The following TVP23C variants were observed in gnomAD, a reference collection of about 807,000 sequenced individuals.
TVP23C encodes the protein trans-golgi network vesicle protein 23 homolog C, also known as Golgi apparatus membrane protein TVP23 homolog C.
TVP23C carries 19 observed loss-of-function variants against 28.7 expected under a neutral mutation model. That is an observed-to-expected ratio of 0.66 (90% confidence interval 0.46 to 0.97). The LOEUF is 0.97. Among genes scored for constraint, TVP23C ranks in the 50% least tolerant of loss-of-function variants. TVP23C has a pLI of 0.00. For synonymous variants in TVP23C, 68 were observed against 81.7 expected (o/e 0.83, Z 0.90); for missense variants, 186 against 241.3 (o/e 0.77, Z 1.52).
At chr17:15,531,038 C>A (rs1375662895) in intron 5 of TVP23C, 2 of 152,202 alleles carry the variant, frequency 1.3e-5, no homozygotes, top group Non-Finnish European at 2.9e-5. Context: ...CCACCATGCT[C>A]ATCCTTTCTT....
At chr17:15,543,093 C>T (rs560229198) in intron 5 of TVP23C, among the ~76,000 whole-genome samples, 2 of 151,694 alleles carry the variant, frequency 1.3e-5, no homozygotes, top group East Asian at 2.0e-4. Context: ...GCACAGCCAA[C>T]CAGCAGACAA....
intron 1 of TVP23C, 187 bp downstream of exon 1, chr17:15,563,250 T>TCCCCCAGCGGCCTCAGAA (rs1984485904): frequency 8.8e-7 from 1 of 1,137,518 alleles, no homozygotes; most frequent in African/African-American, 1.6e-5. Context: ...GGGTCACGCC[T>TCCCCCAGCGGCCTCAGAA]CCCCCAGCGG....
At position 15,538,911 on chromosome 17, in the gene TVP23C, A is replaced by G. The variant is rs1183030717; in HGVS notation, c.*1501T>C. The G allele has an allele frequency of 2.4e-5, 24 of 985,772 alleles. No individual in the cohort carries two copies. Among genetic ancestry groups the G allele is most frequent in the Non-Finnish European group, 2.9e-5 (24 of 829,942 alleles). The allele number at this position is 985,772 out of a possible 1,614,324, so 61.1% of individuals were successfully genotyped here. A position where few individuals can be genotyped will look rare whatever the true frequency, so the allele number is the denominator to read the frequency against. ...CAGAATGAGATGATCATGTCCCTAC[A>G]TGAATATTCATTTTCTCTACTTTTC... On this transcript the variant is annotated 3_prime_UTR_variant, in exon 6 of 6. Transcript: ENST00000518321.
downstream of TVP23C, among the ~76,000 whole-genome samples, chr17:15,535,967 G>A (rs1170477103): frequency 1.3e-5 from 2 of 152,124 alleles, no homozygotes; most frequent in African/African-American, 4.8e-5. Context: ...TGAGGCGGGC[G>A]GATCACCTAA....
intron 5 of TVP23C, 125 bp downstream of exon 5, chr17:15,545,660 T>G: frequency 7.3e-7 from 1 of 1,379,106 alleles, no homozygotes; most frequent in Non-Finnish European, 9.6e-7. Flanking sequence ...ACTTGGGAAT[T>G]ACATGATGAA....
intron 3 of TVP23C, among the ~76,000 whole-genome samples, chr17:15,552,475 A>C (rs1472099876): frequency 6.6e-6 from 1 of 152,206 alleles, no homozygotes; most frequent in Non-Finnish European, 1.5e-5. Context: ...TGACGTCAGA[A>C]GTTCGAGACC....
downstream of TVP23C, among the ~76,000 whole-genome samples, chr17:15,533,903 G>A (rs1910343): frequency 4.6e-5 from 7 of 152,216 alleles, no homozygotes; most frequent in African/African-American, 1.7e-4. Context: ...TATCACACAT[G>A]TAAGCCAAGA....
At chr17:15,522,083 T>A (rs1267317576) in intron 5 of TVP23C, among the ~76,000 whole-genome samples, 1 of 152,146 alleles carries the variant, frequency 6.6e-6, no homozygotes, top group Non-Finnish European at 1.5e-5. Flanking sequence ...TCAAAATGAA[T>A]CATGGCACAG....
intron 5 of TVP23C, among the ~76,000 whole-genome samples, chr17:15,514,815 G>C (rs1424695710): frequency 6.6e-6 from 1 of 152,152 alleles, no homozygotes; most frequent in Non-Finnish European, 1.5e-5. Context: ...GAAACAAAAA[G>C]CCACAGAGGA....
intron 3 of TVP23C, among the ~76,000 whole-genome samples, chr17:15,552,204 T>C (rs1156528853): frequency 6.6e-6 from 1 of 152,194 alleles, no homozygotes; most frequent in Non-Finnish European, 1.5e-5. Flanking sequence ...ATCAAAACTG[T>C]GAGCAGTATG....
chr17:15,518,118 A>C (rs1982310218), intron 5 of TVP23C, among the ~76,000 whole-genome samples: 1 of 149,638 alleles, frequency 6.7e-6, no homozygotes. Context: ...CAGTCAGCCG[A>C]GATCACATCA....
At chr17:15,515,457 C>T (rs953048177) in intron 5 of TVP23C, among the ~76,000 whole-genome samples, 1 of 152,322 alleles carries the variant, frequency 6.6e-6, no homozygotes, top group South Asian at 2.1e-4. Flanking sequence ...AGAGGGGAAT[C>T]CTGCCTCCAC....
chr17:15,533,538 T>C (rs1218929740), downstream of TVP23C, among the ~76,000 whole-genome samples: 3 of 152,178 alleles, frequency 2.0e-5, no homozygotes, highest in Admixed American at 2.0e-4. Flanking sequence ...ACAACAAAAA[T>C]ATAAAATGGA....
intron 5 of TVP23C, among the ~76,000 whole-genome samples, chr17:15,507,811 C>T (rs1981828655): frequency 6.6e-6 from 1 of 151,992 alleles, no homozygotes; most frequent in Non-Finnish European, 1.5e-5. Flanking sequence ...TGCACTTCAG[C>T]CTGGGTGACA....
At chr17:15,527,784 T>G (rs978783983) in intron 5 of TVP23C, among the ~76,000 whole-genome samples, 1 of 152,210 alleles carries the variant, frequency 6.6e-6, no homozygotes, top group Non-Finnish European at 1.5e-5. Context: ...GATTACAGTT[T>G]ACTAAATACA....
intron 1 of TVP23C, among the ~76,000 whole-genome samples, chr17:15,561,044 C>T (rs1266282635): frequency 6.6e-6 from 1 of 151,900 alleles, no homozygotes; most frequent in Admixed American, 6.6e-5. Flanking sequence ...ACTGACAGTC[C>T]AATTATCATA....
At position 15,525,082 on chromosome 17, in the gene TVP23C, G is replaced by C. The variant is rs150593470; in HGVS notation, c.462+20703C>G. Among the ~76,000 whole-genome samples the C allele has an allele frequency of 4.6e-5, 7 of 152,364 alleles. No individual in the cohort carries two copies. In the East Asian group the frequency reaches 1.4e-3, roughly 29 times the overall value. ...CCACTGCTCCATCCAGGGAGCCCCAGAGAAAGTAATGTGTGAGTTGAACAC... is the reference window on the plus strand; with the variant it reads ...CCACTGCTCCATCCAGGGAGCCCCACAGAAAGTAATGTGTGAGTTGAACAC... On this transcript the variant is annotated intron_variant, in intron 5 of 5. Coordinates refer to the TVP23C transcript ENST00000225576.
chr17:15,556,280 A>G (rs1263778229), intron 1 of TVP23C, among the ~76,000 whole-genome samples: 1 of 151,962 alleles, frequency 6.6e-6, no homozygotes, highest in Admixed American at 6.6e-5. Context: ...ATTAGGCAAA[A>G]AAAGATTTTT....
intron 5 of TVP23C, among the ~76,000 whole-genome samples, chr17:15,514,938 A>T (rs1982158359): frequency 6.6e-6 from 1 of 152,160 alleles, no homozygotes; most frequent in South Asian, 2.1e-4. Context: ...TGCCACCCAG[A>T]TCCCCGCGGA....
Sources: allele counts gnomAD v4.1 joint callset (sites outside exome capture counted in the v4.1 genomes callset), GRCh38; gene constraint gnomAD v4.1.1; transcripts MANE v1.5; gene names NCBI Gene and HGNC (gene_info 2026-07-23, HGNC 2026-07-21).